The following MCF2L variants were observed in gnomAD, a reference collection of about 807,000 sequenced individuals.
MCF2L encodes the protein guanine nucleotide exchange factor DBS.
Under a neutral mutation model 153.4 loss-of-function variants are expected in MCF2L, and 97 were observed. The observed-to-expected ratio is 0.63, with a 90% CI of 0.54 to 0.75. MCF2L has a LOEUF of 0.75. MCF2L is among the 30% of genes least tolerant of loss of function. The pLI is 0.00. For missense variants in MCF2L, 1,347 were observed against 1,495.2 expected, an observed-to-expected ratio of 0.90 and a Z score of 1.64; for synonymous variants, 659 against 632.2, an observed-to-expected ratio of 1.04 and a Z score of -0.64.
intron 2 of MCF2L, chr13:112,956,105 C>G (rs531957983): frequency 6.6e-6 from 1 of 152,270 alleles, no homozygotes. Context: ...TGGGCTGTTC[C>G]TCGAGAGCCG....
At chr13:112,934,805 C>G (rs1426961273) in intron 2 of MCF2L, among the ~76,000 whole-genome samples, 1 of 152,080 alleles carries the variant, frequency 6.6e-6, no homozygotes, top group Non-Finnish European at 1.5e-5. Flanking sequence ...TGGAGATGTT[C>G]AGACACCCCA....
At chr13:113,088,202 C>G in intron 23 of MCF2L, 125 bp from the exon 24 acceptor site, 1 of 852,502 alleles carries the variant, frequency 1.2e-6, no homozygotes, top group Non-Finnish European at 2.0e-6. Context: ...CCTCCTCTCC[C>G]CTCACACGCA....
At position 112,941,658 on chromosome 13, in the gene MCF2L, C is replaced by G. The variant is rs1307657800; in HGVS notation, c.169+39287C>G. 6.6e-6 allele frequency among the ~76,000 whole-genome samples: 1 copy of G among 151,718 alleles called. No individual in the cohort carries two copies. The highest frequency in any genetic ancestry group is 1.5e-5 in the Non-Finnish European group (1 of 67,988). On this transcript the variant is annotated intron_variant, in intron 2 of 29. Coordinates refer to the MCF2L transcript ENST00000375608. This position sits in a 1 kb window ranked among gnomAD's most constrained non-coding sequence, Gnocchi z 4.9. ...TGTGGGCGGCAAGCCACCCAGGTGC[C>G]GAGGCAAGAGACCAAGGGCACGAGC...
intron 1 of MCF2L, among the ~76,000 whole-genome samples, chr13:112,899,302 C>T (rs759846648): frequency 8.5e-5 from 13 of 152,336 alleles, no homozygotes; most frequent in African/African-American, 1.9e-4. Context: ...GTCCAGCCTT[C>T]GGCCTTCACT....
rs1055040081 is a variant in MCF2L at position 112,904,401 on chromosome 13, G to T, written c.169+2030G>T. ...CTGCCCCTGCTGACCCCACAAGCTT[G>T]GGTGGGTTGAGAAGCCTCTGCAGTG... On this transcript the variant is annotated intron_variant, in intron 2 of 29. Transcript: ENST00000375608. The surrounding 1 kb of genome is among the most constrained non-coding windows in gnomAD (Gnocchi z 4.2). 6.6e-6 allele frequency among the ~76,000 whole-genome samples: 1 copy of T among 152,184 alleles called. No individual in the cohort carries two copies. Among genetic ancestry groups the T allele is most frequent in the African/African-American group, 2.4e-5 (1 of 41,444 alleles).
intron 4 of MCF2L, among the ~76,000 whole-genome samples, chr13:113,056,989 G>A (rs369389112): frequency 8.5e-4 from 120 of 141,778 alleles, no homozygotes; most frequent in African/African-American, 2.7e-3. Context: ...TGAGTGTTTC[G>A]GCGCTGAGTG....
intron 2 of MCF2L, among the ~76,000 whole-genome samples, chr13:112,928,219 C>A (rs576954944): frequency 1.3e-5 from 2 of 152,316 alleles, no homozygotes; most frequent in East Asian, 3.9e-4. Context: ...TGAAACGCGG[C>A]CGGCCGTGCA....
chr13:113,015,775 T>C (rs1029235558), intron 2 of MCF2L, among the ~76,000 whole-genome samples: 18 of 152,214 alleles, frequency 1.2e-4, no homozygotes, highest in Non-Finnish European at 2.4e-4. Flanking sequence ...TGGTCCCTGC[T>C]TCCCATGGCC....
intron 1 of MCF2L, among the ~76,000 whole-genome samples, chr13:112,895,926 A>G (rs755102015): frequency 2.2e-4 from 34 of 152,052 alleles, no homozygotes; most frequent in Admixed American, 3.9e-4. Context: ...AAACTTCCAC[A>G]TTGGGTATCC....
chr13:113,005,181 C>T (rs2083604862), intron 1 of MCF2L, among the ~76,000 whole-genome samples: 1 of 152,210 alleles, frequency 6.6e-6, no homozygotes, highest in South Asian at 2.1e-4. Context: ...TCATTCGAGA[C>T]AGCACGGATG....
intron 2 of MCF2L, among the ~76,000 whole-genome samples, chr13:112,916,078 G>T (rs1006562121): frequency 7.9e-5 from 12 of 151,886 alleles, no homozygotes; most frequent in Non-Finnish European, 8.8e-5. Context: ...CATGATGGCG[G>T]TTGTCTGTAG....
chr13:113,077,168 C>G lies in MCF2L; in HGVS notation c.1617C>G (p.Ala539=). ...ARQTRPVQPV[A]PRPEALAKSP... ...AGACGCGGCCCGTGCAGCCGGTGGC[C>G]CCCAGACCCGAGGCACTGGCAAAGT... Residue 539 remains alanine, a synonymous_variant, in exon 13 of 30, where the codon GCC becomes GCG. Transcript: ENST00000535094. 1 of 1,608,824 alleles carries G rather than the reference C, an allele frequency of 6.2e-7. No individual in the cohort carries two copies.
At chr13:112,922,673 A>C (rs985751869) in intron 2 of MCF2L, among the ~76,000 whole-genome samples, 1 of 152,220 alleles carries the variant, frequency 6.6e-6, no homozygotes, top group Non-Finnish European at 1.5e-5. Flanking sequence ...TCTCTACTAA[A>C]ACACAGAAGA....
At chr13:113,084,572 CA>C in intron 18 of MCF2L, 1 of 428,662 alleles carries the variant, frequency 2.3e-6, no homozygotes. Flanking sequence ...ATTATATAAA[CA>C]AATCAACAAA....
In MCF2L at chr13:113,054,331, C is replaced by T. The variant is rs527971908; in HGVS notation, c.370-6262C>T. ...TCTAGAGGACCATTTGCTAGAGGAC[C>T]AGTCCCCAAACGGCCGCGCTTTTAG... is the stretch of plus-strand genomic sequence containing the variant. On this transcript the variant is annotated intron_variant, in intron 4 of 29. Transcript: ENST00000535094. This position sits in a 1 kb window ranked among gnomAD's most constrained non-coding sequence, Gnocchi z 5.2. 2 of 167,702 alleles carry T rather than the reference C, an allele frequency of 1.2e-5. No individual in the cohort carries two copies. The highest frequency in any genetic ancestry group is 2.9e-5 in the Non-Finnish European group (2 of 68,274). The allele number at this position is 167,702 out of a possible 1,614,324, so 10.4% of individuals were successfully genotyped here.
chr13:112,910,126 CACAG>C (rs1373571765), intron 2 of MCF2L: 10 of 152,188 alleles, frequency 6.6e-5, no homozygotes, highest in African/African-American at 2.4e-4. Flanking sequence ...ATAAAGCTTG[CACAG>C]AAATAGGCTG....
rs1252679634 is a variant in MCF2L at position 112,904,159 on chromosome 13, G to C, written c.169+1788G>C. 2.0e-5 allele frequency among the ~76,000 whole-genome samples: 3 copies of C among 152,100 alleles called. No individual in the cohort carries two copies. Among genetic ancestry groups the C allele is most frequent in the Admixed American group, 2.0e-4 (3 of 15,276 alleles). Reference sequence around the variant, plus strand: ...GGTTAGGGTTAGAGGTTAAGGTTAGGGTTAGGGGTTGGGACTGGGGTAGGG... The same window carrying C: ...GGTTAGGGTTAGAGGTTAAGGTTAGCGTTAGGGGTTGGGACTGGGGTAGGG... On this transcript the variant is annotated intron_variant, in intron 2 of 29. Transcript: ENST00000375608. This position sits in a 1 kb window ranked among gnomAD's most constrained non-coding sequence, Gnocchi z 4.2.
At chr13:113,051,625 G>C (rs12583269) in intron 4 of MCF2L, among the ~76,000 whole-genome samples, 7,686 of 152,258 alleles carry the variant, frequency 0.05, 416 homozygotes, top group East Asian at 0.31. Flanking sequence ...TAAAGACCTC[G>C]GAGGCGACAC....
intron 2 of MCF2L, chr13:112,909,283 G>T (rs1376607176): frequency 1.3e-6 from 1 of 779,636 alleles, no homozygotes; most frequent in African/African-American, 1.7e-5. Context: ...CAGTGAGCTG[G>T]TGTCCTGCCA....
Sources: allele counts gnomAD v4.1 joint callset (sites outside exome capture counted in the v4.1 genomes callset), GRCh38; gene constraint gnomAD v4.1.1; non-coding constraint Gnocchi (gnomAD v3.1); transcripts MANE v1.5; gene names NCBI Gene and HGNC (gene_info 2026-07-23, HGNC 2026-07-21).